The following BRD1 variants were observed in gnomAD, a reference collection of about 807,000 sequenced individuals.
BRD1 encodes the protein bromodomain containing 1.
BRD1 carries 24 observed loss-of-function variants against 107.7 expected under a neutral mutation model. That is an observed-to-expected ratio of 0.22 (90% confidence interval 0.16 to 0.31). The LOEUF (loss-of-function observed/expected upper bound fraction) is 0.31, where lower values mean the gene tolerates loss of function less well. Ranked by LOEUF, BRD1 falls within the 10% of genes least tolerant of loss-of-function variation. The pLI is 1.00. For synonymous variants in BRD1, 744 were observed against 686.1 expected (o/e 1.08, Z -1.32); for missense variants, 1,279 against 1,638.6 (o/e 0.78, Z 3.79).
intron 1 of BRD1, among the ~76,000 whole-genome samples, chr22:49,826,569 G>C (rs1049370911): frequency 6.6e-6 from 1 of 152,196 alleles, no homozygotes; most frequent in African/African-American, 2.4e-5. Flanking sequence ...CAAGACGGCC[G>C]CTTCCATCTT....
chr22:49,798,259 C>G, intron 5 of BRD1, 142 bp from the exon 6 acceptor site: 2 of 991,510 alleles, frequency 2.0e-6, no homozygotes, highest in Non-Finnish European at 2.9e-6. Flanking sequence ...ACATAAGACC[C>G]AAGTACTGCA....
At chr22:49,795,287 T>G (rs2059509447) in intron 6 of BRD1, among the ~76,000 whole-genome samples, 1 of 152,216 alleles carries the variant, frequency 6.6e-6, no homozygotes, top group African/African-American at 2.4e-5. Flanking sequence ...GGTCTGTGGC[T>G]CAGGCTCCAG....
intron 2 of BRD1, chr22:49,805,474 G>C (rs1456933753): frequency 1.3e-5 from 2 of 152,316 alleles, no homozygotes; most frequent in African/African-American, 2.4e-5. Context: ...TGCATGCTCA[G>C]GACACCAAAC....
intron 2 of BRD1, chr22:49,818,377 G>A (rs2059997082): frequency 8.3e-7 from 1 of 1,210,968 alleles, no homozygotes; most frequent in Non-Finnish European, 1.1e-6. Flanking sequence ...TTTGCATTCT[G>A]ATGAACCTAG....
chr22:49,815,574 G>A (rs1175226913), intron 2 of BRD1, among the ~76,000 whole-genome samples: 1 of 151,650 alleles, frequency 6.6e-6, no homozygotes, highest in Non-Finnish European at 1.5e-5. Context: ...ACTGTTTCCA[G>A]ATATAGTAAT....
Position 49,797,863 on chromosome 22 carries a change from C to T in BRD1, c.2040G>A (p.Gly680=), listed in dbSNP as rs2059564838. ...CAGCAGGCCGCTCAGGCAGGTGCAT[C>T]CCCGAGGCCTCTTCCAAGCCGATGC... ...VDSIGLEEAS[G]MHLPERPAAA... The change falls in exon 6 of 13, where the codon GGG becomes GGA. Residue 680 remains glycine (G), a synonymous_variant. Transcript: ENST00000404760. 4 of 1,613,022 alleles carry T rather than the reference C, an allele frequency of 2.5e-6. No homozygotes were observed. The highest frequency in any genetic ancestry group is 1.7e-5 in the Admixed American group (1 of 60,024).
In BRD1 at chr22:49,783,031, A is replaced by C. The variant is rs1324091426; in HGVS notation, c.2857+4359T>G. Among the ~76,000 whole-genome samples the C allele has an allele frequency of 6.7e-6, 1 of 150,366 alleles. No individual in the cohort carries two copies. Among genetic ancestry groups the C allele is most frequent in the Non-Finnish European group, 1.5e-5 (1 of 67,642 alleles). On this transcript the variant is annotated intron_variant, in intron 8 of 12. Coordinates refer to ENST00000404760, the MANE Select transcript of BRD1 (RefSeq NM_001304808.3). This position sits in a 1 kb window ranked among gnomAD's most constrained non-coding sequence, Gnocchi z 4.2. ...GCTGGGACGGTCAGAGACAGACCCAAGGCCCATCGTGCTGGGACTCGCTCC... is the reference window on the plus strand; with the variant it reads ...GCTGGGACGGTCAGAGACAGACCCACGGCCCATCGTGCTGGGACTCGCTCC...
At chr22:49,774,487 T>C in intron 12 of BRD1, 71 bp from the exon 13 acceptor site, 2 of 1,488,718 alleles carry the variant, frequency 1.3e-6, no homozygotes. Flanking sequence ...CATGTAATCA[T>C]CTAACAAATT....
intron 2 of BRD1, among the ~76,000 whole-genome samples, chr22:49,807,544 G>A (rs960948502): frequency 2.0e-5 from 3 of 152,198 alleles, no homozygotes; most frequent in Non-Finnish European, 4.4e-5. Context: ...ATGGCACCAG[G>A]ACAAGTGGAT....
chr22:49,802,969 G>A (rs1045831141), intron 3 of BRD1, among the ~76,000 whole-genome samples: 13 of 152,154 alleles, frequency 8.5e-5, no homozygotes, highest in East Asian at 3.8e-4. Context: ...AGACCTGCCC[G>A]GGGAGCCCCA....
intron 2 of BRD1, chr22:49,818,267 G>A (rs1219390361): frequency 3.9e-6 from 5 of 1,273,362 alleles, no homozygotes; most frequent in Non-Finnish European, 5.1e-6. Flanking sequence ...GGCTCTCGTA[G>A]TAGAGGAGCT....
chr22:49,779,521 T>C (rs2059163664), intron 8 of BRD1, among the ~76,000 whole-genome samples: 1 of 152,130 alleles, frequency 6.6e-6, no homozygotes, highest in Non-Finnish European at 1.5e-5. Flanking sequence ...GTTTCTCATT[T>C]TAACCTCGGT....
At chr22:49,819,526 G>A (rs1222259947) in intron 2 of BRD1, among the ~76,000 whole-genome samples, 4 of 152,118 alleles carry the variant, frequency 2.6e-5, no homozygotes, top group Admixed American at 2.6e-4. Flanking sequence ...GCACCCGTCT[G>A]AGCAGAAGAG....
intron 3 of BRD1, among the ~76,000 whole-genome samples, chr22:49,801,629 C>T (rs1409641839): frequency 6.6e-6 from 1 of 152,242 alleles, no homozygotes; most frequent in Non-Finnish European, 1.5e-5. Flanking sequence ...CCTTCTGCTC[C>T]TTCCCAGGTG....
intron 2 of BRD1, among the ~76,000 whole-genome samples, chr22:49,810,016 G>A (rs772513473): frequency 2.2e-4 from 33 of 152,036 alleles, no homozygotes; most frequent in African/African-American, 4.8e-5. Flanking sequence ...TAACCTATTG[G>A]GCCATAAAGT....
chr22:49,811,773 A>G (rs758722952), intron 2 of BRD1, among the ~76,000 whole-genome samples: 20 of 152,256 alleles, frequency 1.3e-4, no homozygotes, highest in Non-Finnish European at 2.8e-4. Flanking sequence ...TGAAGCTGAC[A>G]AAATTCCCCC....
chr22:49,791,107 G>A (rs773579647), intron 7 of BRD1, among the ~76,000 whole-genome samples: 36 of 152,232 alleles, frequency 2.4e-4, no homozygotes, highest in Non-Finnish European at 3.7e-4. Context: ...CTGCAGATCC[G>A]TCCCACAGGC....
intron 2 of BRD1, chr22:49,818,339 TCA>T (rs1439607739): frequency 1.3e-5 from 17 of 1,269,118 alleles, no homozygotes; most frequent in Middle Eastern, 4.3e-4. Flanking sequence ...TGCCTGCTGA[TCA>T]CAGTCTCTTT....
intron 8 of BRD1, among the ~76,000 whole-genome samples, chr22:49,784,559 G>C (rs1013858867): frequency 6.6e-6 from 1 of 152,244 alleles, no homozygotes; most frequent in East Asian, 1.9e-4. Context: ...TGAGTGCGTC[G>C]CCTCAGGACC....
Sources: allele counts gnomAD v4.1 joint callset (sites outside exome capture counted in the v4.1 genomes callset), GRCh38; gene constraint gnomAD v4.1.1; non-coding constraint Gnocchi (gnomAD v3.1); transcripts MANE v1.5; gene names NCBI Gene and HGNC (gene_info 2026-07-23, HGNC 2026-07-21).